Variants in RORA observed in about 807,000 individuals in gnomAD.
The protein encoded by RORA is RAR related orphan receptor A.
Under a neutral mutation model 69.5 loss-of-function variants are expected in RORA, and 7 were observed. The observed-to-expected ratio is 0.10, with a 90% confidence interval of 0.06 to 0.19. RORA has a LOEUF of 0.19. Among genes scored for constraint, RORA ranks in the 10% least tolerant of loss-of-function variants. The probability of loss-of-function intolerance (pLI) is 1.00; values close to 1 mark genes in which losing one functional copy is unlikely to be tolerated. For synonymous variants in RORA, 261 were observed against 240.8 expected (o/e 1.08, Z -0.78); for missense variants, 457 against 663.0 (o/e 0.69, Z 3.41).
At chr15:61,198,152 G>C (rs1301785400) in intron 1 of RORA, among the ~76,000 whole-genome samples, 1 of 152,118 alleles carries the variant, frequency 6.6e-6, no homozygotes, top group Non-Finnish European at 1.5e-5. Context: ...TAACATTTTA[G>C]TGCAAATTTA....
At chr15:60,922,862 A>G (rs953142440) in intron 1 of RORA, among the ~76,000 whole-genome samples, 3 of 152,200 alleles carry the variant, frequency 2.0e-5, no homozygotes, top group African/African-American at 7.2e-5. Context: ...TAAAGGAAAG[A>G]CCCTTTAACA....
At chr15:61,077,646 C>T (rs1339893148) in intron 1 of RORA, among the ~76,000 whole-genome samples, 1 of 152,074 alleles carries the variant, frequency 6.6e-6, no homozygotes, top group Non-Finnish European at 1.5e-5. Flanking sequence ...CCATGTTTAC[C>T]TAAGAAAGAT....
chr15:60,915,813 A>G (rs1157892038), intron 1 of RORA, among the ~76,000 whole-genome samples: 1 of 152,196 alleles, frequency 6.6e-6, no homozygotes, highest in African/African-American at 2.4e-5. Flanking sequence ...GGCCAAGAAC[A>G]ACATATTTAC....
intron 1 of RORA, among the ~76,000 whole-genome samples, chr15:60,976,247 G>A (rs552715436): frequency 6.6e-6 from 1 of 152,308 alleles, no homozygotes; most frequent in East Asian, 1.9e-4. Flanking sequence ...GGAGCAAACA[G>A]CCCTGCGGGA....
intron 1 of RORA, among the ~76,000 whole-genome samples, chr15:60,988,795 A>T (rs1894285890): frequency 6.6e-6 from 1 of 152,092 alleles, no homozygotes; most frequent in Admixed American, 6.6e-5. Flanking sequence ...AGATTTATCT[A>T]CTCCAGGTGC....
chr15:61,169,695 T>C (rs1270923347), intron 1 of RORA, among the ~76,000 whole-genome samples: 3 of 151,574 alleles, frequency 2.0e-5, no homozygotes, highest in African/African-American at 7.3e-5. Context: ...CAGCAGTTGA[T>C]TGATTTGCAT....
chr15:60,707,619 T>C (rs2071083144), intron 1 of RORA, among the ~76,000 whole-genome samples: 1 of 152,144 alleles, frequency 6.6e-6, no homozygotes, highest in African/African-American at 2.4e-5. Context: ...CGCCTCGGCC[T>C]CCCAAAGTGC....
intron 1 of RORA, among the ~76,000 whole-genome samples, chr15:61,181,065 C>T (rs1297894924): frequency 1.4e-5 from 2 of 146,954 alleles, no homozygotes. Context: ...GATCATGCCA[C>T]TGCATTCCAG....
At chr15:60,726,645 C>A (rs934138797) in intron 1 of RORA, among the ~76,000 whole-genome samples, 3 of 152,200 alleles carry the variant, frequency 2.0e-5, no homozygotes, top group African/African-American at 7.2e-5. Context: ...CCTACAGCCT[C>A]GTCTGCATGT....
At chr15:61,186,394 A>G (rs1337313889) in intron 1 of RORA, among the ~76,000 whole-genome samples, 1 of 152,044 alleles carries the variant, frequency 6.6e-6, no homozygotes, top group Non-Finnish European at 1.5e-5. Flanking sequence ...TAATCCCAGC[A>G]CTTTGGGAGG....
chr15:61,153,409 G>A (rs1266547838), intron 1 of RORA, among the ~76,000 whole-genome samples: 1 of 152,180 alleles, frequency 6.6e-6, no homozygotes, highest in Non-Finnish European at 1.5e-5. Flanking sequence ...GAAAGGACAT[G>A]GGAGTGTGAA....
chr15:60,842,000 C>T (rs991485285), intron 1 of RORA, among the ~76,000 whole-genome samples: 5 of 152,122 alleles, frequency 3.3e-5, no homozygotes, highest in East Asian at 1.9e-4. Flanking sequence ...CCTCGCACTA[C>T]AGTTTGGGTC....
chr15:61,188,767 T>C (rs986955152), intron 1 of RORA, among the ~76,000 whole-genome samples: 8 of 152,178 alleles, frequency 5.3e-5, no homozygotes, highest in Non-Finnish European at 2.9e-5. Flanking sequence ...CTTCTTCCTT[T>C]GATAGCAAAG....
intron 1 of RORA, among the ~76,000 whole-genome samples, chr15:60,892,516 G>C (rs1165454566): frequency 1.3e-5 from 2 of 152,026 alleles, no homozygotes; most frequent in Admixed American, 6.5e-5. Flanking sequence ...CTTTTTTTAA[G>C]TGAGCACTGT....
chr15:60,884,805 G>C (rs1480312311), intron 1 of RORA, among the ~76,000 whole-genome samples: 1 of 152,186 alleles, frequency 6.6e-6, no homozygotes. Context: ...TTCATTTAGA[G>C]CTATAGCTCA....
At chr15:60,776,627 C>T (rs1373938925) in intron 1 of RORA, among the ~76,000 whole-genome samples, 1 of 152,164 alleles carries the variant, frequency 6.6e-6, no homozygotes, top group Non-Finnish European at 1.5e-5. Flanking sequence ...AAGAAGCTTG[C>T]AATTGAGCCG....
At chr15:60,545,215 A>C (rs1034550711) in intron 2 of RORA, 5 of 152,240 alleles carry the variant, frequency 3.3e-5, no homozygotes, top group African/African-American at 1.2e-4. Context: ...TAGACTTACA[A>C]ATAAATTCTG....
rs2079267371 is a variant in RORA, at chr15:61,138,654, C to T, written c.166+90399G>A. Reference sequence around the variant, plus strand: ...ATAGATAGAGAAGCTCCTAGAGATACAGGGAGGGCCTTTTCCTGCACAGTC... The same window carrying T: ...ATAGATAGAGAAGCTCCTAGAGATATAGGGAGGGCCTTTTCCTGCACAGTC... On this transcript the variant is annotated intron_variant, in intron 1 of 10. Coordinates refer to ENST00000335670, the MANE Select transcript of RORA (RefSeq NM_134261.3). Among the ~76,000 whole-genome samples the T allele has an allele frequency of 3.3e-5, 5 of 152,036 alleles. No individual in the cohort carries two copies. In the South Asian group the frequency reaches 8.3e-4, roughly 25 times the overall value.
chr15:60,840,165 C>G (rs1567209861), intron 1 of RORA, among the ~76,000 whole-genome samples: 1 of 152,198 alleles, frequency 6.6e-6, no homozygotes, highest in Non-Finnish European at 1.5e-5. Context: ...TGGGGTTCAC[C>G]TCACTTGCTG....
Sources: allele counts gnomAD v4.1 joint callset (sites outside exome capture counted in the v4.1 genomes callset), GRCh38; gene constraint gnomAD v4.1.1; transcripts MANE v1.5; gene names NCBI Gene and HGNC (gene_info 2026-07-23, HGNC 2026-07-21).